Variants in HCN4 observed in about 807,000 individuals in gnomAD.
HCN4 encodes the protein hyperpolarization activated cyclic nucleotide gated potassium channel 4, also known as potassium/sodium hyperpolarization-activated cyclic nucleotide-gated channel 4.
Under a neutral mutation model 76.9 loss-of-function variants are expected in HCN4, and 29 were observed. The observed-to-expected ratio is 0.38, with a 90% confidence interval of 0.28 to 0.51. The LOEUF is 0.51. Among genes scored for constraint, HCN4 ranks in the 20% least tolerant of loss-of-function variants. The pLI, the probability that HCN4 is intolerant of heterozygous loss-of-function variation, is 0.90. For synonymous variants in HCN4, 772 were observed against 762.5 expected, an observed-to-expected ratio of 1.01 and a Z score of -0.21; for missense variants, 1,416 against 1,715.2, an observed-to-expected ratio of 0.83 and a Z score of 3.08.
At chr15:73,326,998 G>A (rs990038348) in intron 4 of HCN4, among the ~76,000 whole-genome samples, 19 of 151,550 alleles carry the variant, frequency 1.3e-4, no homozygotes, top group African/African-American at 2.2e-4. Context: ...CGTTGCCCAG[G>A]CTGCTCTTGA....
intron 2 of HCN4, among the ~76,000 whole-genome samples, chr15:73,336,830 T>A (rs1012302690): frequency 2.0e-5 from 3 of 152,152 alleles, no homozygotes; most frequent in African/African-American, 7.2e-5. Context: ...GAAAGACCTC[T>A]TGGAGACATA....
intron 2 of HCN4, among the ~76,000 whole-genome samples, chr15:73,332,546 G>A (rs1477608772): frequency 6.6e-6 from 1 of 152,192 alleles, no homozygotes; most frequent in African/African-American, 2.4e-5. Flanking sequence ...TTCCTGAAAG[G>A]TCTAGCCATC....
Position 73,368,744 on chromosome 15 carries a change from G to A in HCN4, c.-474C>T, listed in dbSNP as rs914006775. 1.3e-5 allele frequency: 2 copies of A among 152,120 alleles called. No individual in the cohort carries two copies. The highest frequency in any genetic ancestry group is 2.9e-5 in the Non-Finnish European group (2 of 68,118). 9.4% of individuals were successfully genotyped at this position (152,120 alleles called of 1,614,324 possible). A position where few individuals can be genotyped will look rare whatever the true frequency, so the allele number is the denominator to read the frequency against. On this transcript the variant is annotated 5_prime_UTR_variant, in exon 1 of 8. Transcript: ENST00000261917. This position sits in a 1 kb window ranked among gnomAD's most constrained non-coding sequence, Gnocchi z 6.9. ...TCTGTCTCGCCGCCCGGGCTTTGTG[G>A]CTGGCCACCCGCGAGCTCGCCTCGC...
At position 73,368,819 on chromosome 15, in the gene HCN4, G is replaced by A. The variant is rs1189303905; in HGVS notation, c.-549C>T. On this transcript the variant is annotated 5_prime_UTR_variant, in exon 1 of 8. Transcript: ENST00000261917. The surrounding 1 kb of genome is among the most constrained non-coding windows in gnomAD (Gnocchi z 6.9). Reference sequence around the variant, plus strand: ...CCGTCCCGGGGCTCCCGCCGCAACCGAGCGGAGCCCAGCGACCCGCCGGGC... The same window carrying A: ...CCGTCCCGGGGCTCCCGCCGCAACCAAGCGGAGCCCAGCGACCCGCCGGGC... 1 of 152,206 alleles carries A rather than the reference G, an allele frequency of 6.6e-6. No homozygotes were observed. The highest frequency in any genetic ancestry group is 2.4e-5 in the African/African-American group (1 of 41,568). 9.4% of individuals were successfully genotyped at this position (152,206 alleles called of 1,614,324 possible). A position where few individuals can be genotyped will look rare whatever the true frequency, so the allele number is the denominator to read the frequency against.
In HCN4 at chr15:73,341,847, G is replaced by A. The variant is rs149648630; in HGVS notation, c.1209+1538C>T. ...CACACACTTCTCCTATGGCACATGC[G>A]TTCATGACGCCTCTGACCATCAGCC... is the stretch of plus-strand genomic sequence containing the variant. On this transcript the variant is annotated intron_variant, in intron 2 of 7. Coordinates refer to ENST00000261917, the MANE Select transcript of HCN4 (RefSeq NM_005477.3). 4.8e-3 allele frequency among the ~76,000 whole-genome samples: 734 copies of A among 152,334 alleles called. 3 individuals carry two copies. The highest frequency in any genetic ancestry group is 7.7e-3 in the Non-Finnish European group (524 of 68,026).
At chr15:73,355,506 T>C (rs2043074047) in intron 1 of HCN4, among the ~76,000 whole-genome samples, 1 of 152,170 alleles carries the variant, frequency 6.6e-6, no homozygotes, top group Admixed American at 6.5e-5. Flanking sequence ...GAAGAGAATG[T>C]GGAAGACATC....
intron 2 of HCN4, among the ~76,000 whole-genome samples, chr15:73,337,756 A>G (rs150670456): frequency 1.3e-5 from 2 of 152,248 alleles, no homozygotes; most frequent in East Asian, 1.9e-4. Flanking sequence ...GCTAGTGTAG[A>G]CAGTGGAAGA....
rs767206507 is a variant in HCN4, at chr15:73,339,590, G to A, written c.1209+3795C>T. 2.6e-5 allele frequency among the ~76,000 whole-genome samples: 4 copies of A among 152,238 alleles called. 1 individual carries two copies. Among genetic ancestry groups the A allele is most frequent in the Non-Finnish European group, 2.9e-5 (2 of 68,046 alleles). On this transcript the variant is annotated intron_variant, in intron 2 of 7. Transcript: ENST00000261917. ...ATGGGAGCTGGGGACTGGGCCCCAGGGAGCCACAGCTTCAGAGAACATCAT... is the reference window on the plus strand; with the variant it reads ...ATGGGAGCTGGGGACTGGGCCCCAGAGAGCCACAGCTTCAGAGAACATCAT...
chr15:73,326,630 A>G (rs1285427983), intron 4 of HCN4, among the ~76,000 whole-genome samples: 1 of 152,212 alleles, frequency 6.6e-6, no homozygotes. Context: ...AGAGGAGGGA[A>G]GACATTTAAG....
chr15:73,323,506 C>T lies in HCN4; in HGVS notation c.2587G>A (p.Ala863Thr), dbSNP rs767354516. The change falls in exon 8 of 8, where the codon GCT becomes ACT. Residue 863 changes from alanine (A) to threonine (T), a missense_variant. Physicochemically the swap from Ala to Thr is moderately conservative, Grantham distance 58. Coordinates refer to ENST00000261917, the MANE Select transcript of HCN4 (RefSeq NM_005477.3). ...SSSSFHIQQL[A>T]GFSAPAGLSP... ...AGTCCAGCGGGGGCAGAGAATCCAG[C>T]CAGCTGTTGGATGTGGAAGGAGGAT... 8 of 1,602,314 alleles carry T rather than the reference C, an allele frequency of 5.0e-6. No homozygotes were observed. In the Admixed American group the frequency reaches 6.7e-5, roughly 13 times the overall value.
At chr15:73,345,812 CT>C (rs2043027272) in intron 1 of HCN4, among the ~76,000 whole-genome samples, 1 of 152,138 alleles carries the variant, frequency 6.6e-6, no homozygotes, top group African/African-American at 2.4e-5. Flanking sequence ...CTATGTGGCC[CT>C]CTGTACATAA....
At chr15:73,329,867 C>T in intron 3 of HCN4, 76 bp from the exon 4 acceptor site, 8 of 1,208,440 alleles carry the variant, frequency 6.6e-6, no homozygotes, top group Non-Finnish European at 8.4e-6. Flanking sequence ...GGCCCTGCCA[C>T]CTCCTCACCT....
intron 1 of HCN4, among the ~76,000 whole-genome samples, chr15:73,360,505 A>C (rs1268787375): frequency 6.6e-6 from 1 of 152,164 alleles, no homozygotes; most frequent in African/African-American, 2.4e-5. Flanking sequence ...TCGACGTTTT[A>C]ATTCTCAGGA....
At chr15:73,359,933 G>A (rs529406507) in intron 1 of HCN4, among the ~76,000 whole-genome samples, 31 of 152,282 alleles carry the variant, frequency 2.0e-4, no homozygotes, top group African/African-American at 7.2e-4. Flanking sequence ...AATGGCACCC[G>A]GATATGGTCC....
chr15:73,364,655 C>T (rs534408348), intron 1 of HCN4, among the ~76,000 whole-genome samples: 1 of 152,232 alleles, frequency 6.6e-6, no homozygotes, highest in African/African-American at 2.4e-5. Flanking sequence ...GCCAGAAAAG[C>T]CCAGGGAGCC....
In HCN4 at chr15:73,367,052, C is replaced by T. The variant is rs909296968; in HGVS notation, c.785+434G>A. Reference sequence around the variant, plus strand: ...CAGACATAAATGCCTGCTGTCAGCACCCAAGGAGCTGGCCCGTTGCTAAGA... The same window carrying T: ...CAGACATAAATGCCTGCTGTCAGCATCCAAGGAGCTGGCCCGTTGCTAAGA... On this transcript the variant is annotated intron_variant, in intron 1 of 7. Coordinates refer to ENST00000261917, the MANE Select transcript of HCN4 (RefSeq NM_005477.3). The surrounding 1 kb of genome is among the most constrained non-coding windows in gnomAD (Gnocchi z 7.5). 5.3e-5 allele frequency among the ~76,000 whole-genome samples: 8 copies of T among 152,204 alleles called. No homozygotes were observed. The highest frequency in any genetic ancestry group is 1.0e-4 in the Non-Finnish European group (7 of 68,034).
rs756960444 is a variant in HCN4 at position 73,322,592 on chromosome 15, C to G, written c.3501G>C (p.Leu1167Phe). 6.8e-6 allele frequency: 11 copies of G among 1,610,810 alleles called. No homozygotes were observed. The South Asian group carries it at 1.1e-4, about 16-fold the overall frequency. The change falls in exon 8 of 8, where the codon TTG (leucine) becomes TTC (phenylalanine). Residue 1167 changes from leucine to phenylalanine, a missense_variant. Physicochemically the swap from Leu to Phe is conservative, Grantham distance 22. Coordinates refer to ENST00000261917, the MANE Select transcript of HCN4 (RefSeq NM_005477.3). Reference sequence around the variant, plus strand: ...CAGAAGAGGTGGCTCTTGCCCCAAACAAAGACAGAGGGGGTGGCAAAGAAC... The same window carrying G: ...CAGAAGAGGTGGCTCTTGCCCCAAAGAAAGACAGAGGGGGTGGCAAAGAAC... Reference protein sequence around the residue: ...SSGSLPPPLSLFGARATSSGG... With the variant: ...SSGSLPPPLSFFGARATSSGG...
chr15:73,323,104 G>A lies in HCN4; in HGVS notation c.2989C>T (p.Pro997Ser). The A allele has an allele frequency of 6.3e-7, 1 of 1,591,560 alleles. No homozygotes were observed. The change falls in exon 8 of 8, where the codon CCC (proline) becomes TCC (serine). Residue 997 changes from proline to serine, a missense_variant. Pro to Ser is a moderately conservative substitution (Grantham distance 74). Around this residue, in one of 6 missense-constraint regions of HCN4, gnomAD observed 633 missense variants for 579.8 expected, o/e 1.09. Coordinates refer to ENST00000261917, the MANE Select transcript of HCN4 (RefSeq NM_005477.3). ...GACGGCGGCTCAGGCTGCCGTGGGG[G>A]TGTCTCTGGCGTGCTCAGTGGGCCA... ...ATGPLSTPET[P>S]PRQPEPPSLV...
rs146598107 is a variant in HCN4, at chr15:73,362,942, C to G, written c.785+4544G>C. Reference sequence around the variant, plus strand: ...TGCCCCTATCGGGTTTTTGTGCACCCAGCATCCTGGAAGCACCTCGGTCCT... The same window carrying G: ...TGCCCCTATCGGGTTTTTGTGCACCGAGCATCCTGGAAGCACCTCGGTCCT... On this transcript the variant is annotated intron_variant, in intron 1 of 7. Coordinates refer to ENST00000261917, the MANE Select transcript of HCN4 (RefSeq NM_005477.3). 6.3e-3 allele frequency among the ~76,000 whole-genome samples: 962 copies of G among 152,326 alleles called. 8 individuals carry two copies. The highest frequency in any genetic ancestry group is 0.018 in the South Asian group (89 of 4,830).
Sources: allele counts gnomAD v4.1 joint callset (sites outside exome capture counted in the v4.1 genomes callset), GRCh38; gene constraint gnomAD v4.1.1; regional missense constraint gnomAD v4.1.1; non-coding constraint Gnocchi (gnomAD v3.1); transcripts MANE v1.5; gene names NCBI Gene and HGNC (gene_info 2026-07-23, HGNC 2026-07-21).